The following WDFY3 variants were observed in gnomAD, a reference collection of about 807,000 sequenced individuals.
The protein encoded by WDFY3 is WD repeat and FYVE domain-containing protein 3.
In WDFY3, 66 loss-of-function variants were observed where a neutral mutation model predicts 409.6. The ratio of observed to expected loss-of-function variants is 0.16; its 90% CI spans 0.13 to 0.20. WDFY3 has a LOEUF of 0.20. Ranked by LOEUF, WDFY3 falls within the 10% of genes least tolerant of loss-of-function variation. The pLI is 1.00. For synonymous variants in WDFY3, 1,521 were observed against 1,537.1 expected (o/e 0.99, Z 0.25); for missense variants, 3,031 against 4,298.1 (o/e 0.71, Z 8.24).
chr4:84,889,956 T>C (rs1764718222), intron 3 of WDFY3, among the ~76,000 whole-genome samples: 1 of 152,184 alleles, frequency 6.6e-6, no homozygotes, highest in Non-Finnish European at 1.5e-5. Flanking sequence ...GGATTGCAGC[T>C]CAAGATCCAT....
chr4:84,944,126 AAAC>A (rs1217976604), intron 1 of WDFY3, among the ~76,000 whole-genome samples: 1 of 152,236 alleles, frequency 6.6e-6, no homozygotes, highest in Non-Finnish European at 1.5e-5. Flanking sequence ...ATGCTAAAAC[AAAC>A]AATAAGACTC....
intron 67 of WDFY3, among the ~76,000 whole-genome samples, chr4:84,675,723 A>G (rs1228516533): frequency 6.6e-6 from 1 of 152,164 alleles, no homozygotes; most frequent in African/African-American, 2.4e-5. Flanking sequence ...TTTCTATGAA[A>G]GCATCTCTGG....
intron 36 of WDFY3, among the ~76,000 whole-genome samples, chr4:84,746,830 C>T (rs969548955): frequency 2.3e-5 from 3 of 132,260 alleles, no homozygotes; most frequent in Non-Finnish European, 4.8e-5. Flanking sequence ...ATACTAACAT[C>T]CCCATTTTAG....
intron 62 of WDFY3, among the ~76,000 whole-genome samples, chr4:84,687,401 C>G (rs1180156990): frequency 6.6e-6 from 1 of 152,158 alleles, no homozygotes; most frequent in East Asian, 1.9e-4. Flanking sequence ...CACTGACCTC[C>G]CAAAGTGCTG....
intron 44 of WDFY3, 74 bp downstream of exon 44, chr4:84,733,308 T>C (rs915167811): frequency 2.0e-6 from 3 of 1,503,046 alleles, no homozygotes; most frequent in Admixed American, 4.2e-5. Context: ...ATTGACTAAA[T>C]AGAGAAAAAA....
At position 84,740,334 on chromosome 4, in the gene WDFY3, G is replaced by T; in HGVS notation, c.6317C>A (p.Ala2106Glu). 1 of 1,614,074 alleles carries T rather than the reference G, an allele frequency of 6.2e-7. No homozygotes were observed. Among genetic ancestry groups the T allele is most frequent in the Non-Finnish European group, 8.5e-7 (1 of 1,180,014 alleles). ...NRTILYQFSR[A>E]HKTVPQQVAL... ...TACTTGCTGAGGAACGGTTTTGTGT[G>T]CCCGTGAGAACTGGTACAAGATGGT... Residue 2106 changes from alanine (A) to glutamate (E), a missense_variant, in exon 39 of 68, where the codon GCA becomes GAA. Ala to Glu is a moderately radical substitution (Grantham distance 107). Around this residue, in one of 16 missense-constraint regions of WDFY3, gnomAD observed 314 missense variants for 397.4 expected, o/e 0.79. Transcript: ENST00000295888.
At chr4:84,712,471 A>C (rs1273108256) in intron 51 of WDFY3, among the ~76,000 whole-genome samples, 1 of 151,802 alleles carries the variant, frequency 6.6e-6, no homozygotes, top group African/African-American at 2.4e-5. Context: ...CTGTAATCCC[A>C]GCACTTTGGG....
intron 60 of WDFY3, among the ~76,000 whole-genome samples, chr4:84,691,003 C>T (rs781064500): frequency 3.3e-5 from 5 of 152,096 alleles, no homozygotes; most frequent in Admixed American, 6.6e-5. Context: ...TTGCTGTAGA[C>T]AGAATGTGAA....
intron 3 of WDFY3, among the ~76,000 whole-genome samples, chr4:84,880,793 C>T (rs1763432703): frequency 6.9e-6 from 1 of 144,302 alleles, no homozygotes; most frequent in African/African-American, 2.6e-5. Flanking sequence ...TCTCGGCTCA[C>T]TGCAACCTCT....
At chr4:84,881,858 G>A (rs1240515604) in intron 3 of WDFY3, among the ~76,000 whole-genome samples, 1 of 151,432 alleles carries the variant, frequency 6.6e-6, no homozygotes, top group Non-Finnish European at 1.5e-5. Flanking sequence ...TCCAGCCTGG[G>A]TGAGAGAACG....
intron 1 of WDFY3, among the ~76,000 whole-genome samples, chr4:84,949,516 A>G (rs1773331315): frequency 2.0e-5 from 3 of 152,190 alleles, no homozygotes; most frequent in Admixed American, 2.0e-4. Context: ...TTAATGCAAA[A>G]CTTAAGGTAT....
In WDFY3 at chr4:84,765,852, G is replaced by A; in HGVS notation, c.5146C>T (p.Gln1716Ter). The change falls in exon 32 of 68, where the codon CAG (glutamine) becomes TAG (stop). Residue 1716 changes from glutamine to a stop codon, truncating the protein, a stop_gained. Transcript: ENST00000295888. LOFTEE classifies it high-confidence loss of function. ...TTATTAGTTAAGACAGAATCTGTCT[G>A]TTCAAGCCATCCTCCACCACTGAGT... ...EGLSGGGWLE[Q>*]TDSVLTNKIG... 1 of 1,613,922 alleles carries A rather than the reference G, an allele frequency of 6.2e-7. No homozygotes were observed. Among genetic ancestry groups the A allele is most frequent in the Non-Finnish European group, 8.5e-7 (1 of 1,179,926 alleles).
chr4:84,948,064 A>T (rs1323387521), intron 1 of WDFY3, among the ~76,000 whole-genome samples: 1 of 152,196 alleles, frequency 6.6e-6, no homozygotes, highest in Non-Finnish European at 1.5e-5. Flanking sequence ...AACCAAAAAA[A>T]TGCTACTATA....
intron 67 of WDFY3, 29 bp downstream of exon 67, chr4:84,677,170 A>G: frequency 6.2e-7 from 1 of 1,613,110 alleles, no homozygotes; most frequent in Non-Finnish European, 8.5e-7. Flanking sequence ...TAATCAATGT[A>G]AATTCAAAAA....
chr4:84,887,603 A>G (rs1006001991), intron 3 of WDFY3, among the ~76,000 whole-genome samples: 1 of 152,214 alleles, frequency 6.6e-6, no homozygotes, highest in Non-Finnish European at 1.5e-5. Context: ...GTACAATGCT[A>G]GGTATTTTCA....
chr4:84,959,491 G>A (rs1774653590), intron 1 of WDFY3, among the ~76,000 whole-genome samples: 1 of 152,152 alleles, frequency 6.6e-6, no homozygotes, highest in South Asian at 2.1e-4. Context: ...TCTGGCAGGT[G>A]GAGGTTGAAA....
At chr4:84,917,615 T>C (rs1388720201) in intron 2 of WDFY3, among the ~76,000 whole-genome samples, 1 of 152,142 alleles carries the variant, frequency 6.6e-6, no homozygotes, top group Non-Finnish European at 1.5e-5. Flanking sequence ...ACCATCTCAT[T>C]CCTTTTCTAT....
intron 44 of WDFY3, among the ~76,000 whole-genome samples, chr4:84,730,546 C>A (rs1736417790): frequency 6.6e-6 from 1 of 152,124 alleles, no homozygotes; most frequent in South Asian, 2.1e-4. Context: ...GCAGCTGCAG[C>A]CTAGAAGGGG....
At chr4:84,836,852 A>G (rs1756642710) in intron 7 of WDFY3, 77 bp downstream of exon 7, 1 of 1,237,320 alleles carries the variant, frequency 8.1e-7, no homozygotes, top group South Asian at 3.1e-5. Flanking sequence ...AAAATGGAAT[A>G]TGTAAAACAT....
Sources: gnomAD v4.1 joint callset for allele counts (sites outside exome capture counted in the v4.1 genomes callset) on GRCh38, gnomAD v4.1.1 for gene constraint, gnomAD v4.1.1 regional missense constraint, MANE v1.5 for transcripts, NCBI Gene and HGNC (gene_info 2026-07-23, HGNC 2026-07-21) for gene names.